The following SMG9 variants were observed in gnomAD, a reference collection of about 807,000 sequenced individuals.
SMG9 encodes SMG9 nonsense mediated mRNA decay factor.
A neutral mutation model predicts 64.0 loss-of-function variants in SMG9; 55 were observed. The ratio of observed to expected loss-of-function variants is 0.86; its 90% CI spans 0.69 to 1.08. The LOEUF is 1.08. Among genes scored for constraint, SMG9 ranks in the 50% least tolerant of loss-of-function variants. The pLI is 0.00. For missense variants in SMG9, 554 were observed against 681.3 expected (o/e 0.81, Z 2.08); for synonymous variants, 244 against 254.8 (o/e 0.96, Z 0.41).
At chr19:43,735,067 T>C (rs1452335084) in intron 9 of SMG9, among the ~76,000 whole-genome samples, 2 of 152,210 alleles carry the variant, frequency 1.3e-5, no homozygotes, top group Non-Finnish European at 2.9e-5. Flanking sequence ...CCCTGATCTT[T>C]TTACTGTCTC....
In SMG9 at chr19:43,733,698, A is replaced by G. The variant is rs1968561178; in HGVS notation, c.1138T>C (p.Cys380Arg). Residue 380 changes from cysteine (C) to arginine (R), a missense_variant, in exon 11 of 14, where the codon TGT becomes CGT. Transcript: ENST00000270066. ...TGCATCTGCCGCAGCTTCCGAGGACAGAAGTCCTCTCGGCGAGCTTTGTTC... is the reference window on the plus strand; with the variant it reads ...TGCATCTGCCGCAGCTTCCGAGGACGGAAGTCCTCTCGGCGAGCTTTGTTC... The part of the protein sequence containing the change: ...LQNKARREDF[C>R]PRKLRQMHLM... 1 of 1,614,196 alleles carries G rather than the reference A, an allele frequency of 6.2e-7. No individual in the cohort carries two copies. Among genetic ancestry groups the G allele is most frequent in the South Asian group, 1.1e-5 (1 of 91,084 alleles).
At chr19:43,733,759 G>T (rs1313660918) in intron 10 of SMG9, 26 bp from the exon 11 acceptor site, 1 of 1,591,214 alleles carries the variant, frequency 6.3e-7, no homozygotes, top group Non-Finnish European at 8.6e-7. Context: ...GACGGGCCCT[G>T]TCAGGCAGAC....
At position 43,744,761 on chromosome 19, in the gene SMG9, T is replaced by C. The variant is rs373342227; in HGVS notation, c.701+11A>G. The C allele has an allele frequency of 1.9e-5, 30 of 1,606,326 alleles. No homozygotes were observed. The highest frequency in any genetic ancestry group is 2.2e-5 in the Non-Finnish European group (26 of 1,174,308). Reference sequence around the variant, plus strand: ...CACCTCCCTCCTGCACCCTATCTGATAGCCCCTCACCTCTGGTCCTCCTCT... The same window carrying C: ...CACCTCCCTCCTGCACCCTATCTGACAGCCCCTCACCTCTGGTCCTCCTCT... On this transcript the variant is annotated intron_variant, in intron 6 of 13. Transcript: ENST00000270066.
chr19:43,731,350 G>A lies in SMG9; in HGVS notation c.*246C>T. 1 of 1,311,634 alleles carries A rather than the reference G, an allele frequency of 7.6e-7. No homozygotes were observed. The highest frequency in any genetic ancestry group is 9.7e-7 in the Non-Finnish European group (1 of 1,027,454). The allele number at this position is 1,311,634 out of a possible 1,614,324, so 81.2% of individuals were successfully genotyped here. On this transcript the variant is annotated 3_prime_UTR_variant, in exon 14 of 14. Coordinates refer to ENST00000270066, the MANE Select transcript of SMG9 (RefSeq NM_019108.4). Reference sequence around the variant, plus strand: ...CCTCCCACTGCTTGTCCCTGTGGAGGACACAGGACGGGCTACCCCATCTCA... The same window carrying A: ...CCTCCCACTGCTTGTCCCTGTGGAGAACACAGGACGGGCTACCCCATCTCA...
At chr19:43,739,856 C>G (rs1968790189) in intron 7 of SMG9, 2 of 506,918 alleles carry the variant, frequency 3.9e-6, no homozygotes, top group African/African-American at 3.9e-5. Context: ...ACACATTCTC[C>G]AGGGCCCACA....
At chr19:43,733,252 C>A in intron 12 of SMG9, 72 bp downstream of exon 12, 1 of 1,566,488 alleles carries the variant, frequency 6.4e-7, no homozygotes, top group South Asian at 1.2e-5. Flanking sequence ...CCTCCTAGAC[C>A]AGTGGGTGCT....
Position 43,731,430 on chromosome 19 carries a change from G to A in SMG9, c.*166C>T, listed in dbSNP as rs1968480709. The A allele has an allele frequency of 7.0e-7, 1 of 1,435,212 alleles. No individual in the cohort carries two copies. Among genetic ancestry groups the A allele is most frequent in the South Asian group, 1.5e-5 (1 of 66,494 alleles). 88.9% of individuals were successfully genotyped at this position (1,435,212 alleles called of 1,614,324 possible). The stretch of plus-strand genomic sequence containing the variant: ...CCCGGAACAGCCCCAACTGAGGGTG[G>A]GGGGCCTGGCCCTGGACACCTCATG... On this transcript the variant is annotated 3_prime_UTR_variant, in exon 14 of 14. Transcript: ENST00000270066.
In SMG9 at chr19:43,731,541, T is replaced by C; in HGVS notation, c.*55A>G. On this transcript the variant is annotated 3_prime_UTR_variant, in exon 14 of 14. Coordinates refer to ENST00000270066, the MANE Select transcript of SMG9 (RefSeq NM_019108.4). ...GCGGGGGATGGACATCTGTGCTCCC[T>C]CGCAGTACACTGCGGACCCAGGAGG... 2 of 1,612,070 alleles carry C rather than the reference T, an allele frequency of 1.2e-6. No individual in the cohort carries two copies. The highest frequency in any genetic ancestry group is 2.2e-5 in the South Asian group (2 of 90,968).
At position 43,731,612 on chromosome 19, in the gene SMG9, C is replaced by G; in HGVS notation, c.1547G>C (p.Ser516Thr). The change falls in exon 14 of 14, where the codon AGC (serine) becomes ACC (threonine). Residue 516 changes from serine (S) to threonine (T), a missense_variant. Coordinates refer to ENST00000270066, the MANE Select transcript of SMG9 (RefSeq NM_019108.4). Reference sequence around the variant, plus strand: ...TCCTTGGCCTCAGGCCAGCAGGCGGCTGTACTCTGCCAGAGCAGAGGACTT... The same window carrying G: ...TCCTTGGCCTCAGGCCAGCAGGCGGGTGTACTCTGCCAGAGCAGAGGACTT... ...VRKSSALAEY[S>T]RLLA 1 of 1,614,250 alleles carries G rather than the reference C, an allele frequency of 6.2e-7. No homozygotes were observed. Among genetic ancestry groups the G allele is most frequent in the Non-Finnish European group, 8.5e-7 (1 of 1,180,046 alleles).
chr19:43,737,288 A>G (rs1351061548), intron 9 of SMG9, among the ~76,000 whole-genome samples: 1 of 151,636 alleles, frequency 6.6e-6, no homozygotes, highest in Non-Finnish European at 1.5e-5. Flanking sequence ...ATAAATAAAT[A>G]AATAAATAAA....
chr19:43,739,973 C>T, intron 7 of SMG9, 134 bp downstream of exon 7: 1 of 694,124 alleles, frequency 1.4e-6, no homozygotes. Flanking sequence ...ACAATTTGCC[C>T]CAGGGCAGCC....
chr19:43,741,111 C>T (rs187395964), intron 6 of SMG9, among the ~76,000 whole-genome samples: 20 of 152,296 alleles, frequency 1.3e-4, no homozygotes, highest in East Asian at 5.8e-4. Context: ...AAGACTAAGT[C>T]GGCTTCTGTG....
At chr19:43,733,834 T>C (rs1968566904) in intron 10 of SMG9, 101 bp from the exon 11 acceptor site, 2 of 775,290 alleles carry the variant, frequency 2.6e-6, no homozygotes, top group Non-Finnish European at 2.2e-6. Context: ...TGAGTTCAGA[T>C]CACTGTGTAA....
In SMG9 at chr19:43,737,581, C is replaced by T; in HGVS notation, c.995+16G>A. Reference sequence around the variant, plus strand: ...CTCATTCCTCCTCCCCACCCTCCAACCCCTCAGCTCCTCACCTGTAGAGAC... The same window carrying T: ...CTCATTCCTCCTCCCCACCCTCCAATCCCTCAGCTCCTCACCTGTAGAGAC... On this transcript the variant is annotated intron_variant, in intron 9 of 13. Coordinates refer to ENST00000270066, the MANE Select transcript of SMG9 (RefSeq NM_019108.4). The T allele has an allele frequency of 1.9e-6, 3 of 1,609,324 alleles. No homozygotes were observed. Among genetic ancestry groups the T allele is most frequent in the South Asian group, 1.1e-5 (1 of 90,424 alleles).
rs1218927703 is a variant in SMG9 at position 43,750,705 on chromosome 19, CAT to C, written c.35_36del (p.Tyr12TrpfsTer108). On this transcript the variant is annotated frameshift_variant, in exon 2 of 14. Coordinates refer to ENST00000270066, the MANE Select transcript of SMG9 (RefSeq NM_019108.4). LOFTEE classifies it high-confidence loss of function. ...SESGHSQPGL[Y>X]GIERRRRWKE... ...TTCCACCGTCGCCGCCGCTCTATCCCATAGAGTCCAGGCTGACTGTGTCCAGA... is the reference window on the plus strand; with the variant it reads ...TTCCACCGTCGCCGCCGCTCTATCCCAGAGTCCAGGCTGACTGTGTCCAGA... The C allele has an allele frequency of 9.9e-6, 16 of 1,613,844 alleles. No individual in the cohort carries two copies. The highest frequency in any genetic ancestry group is 1.3e-5 in the Non-Finnish European group (15 of 1,179,952).
At chr19:43,741,387 A>G (rs150313852) in intron 6 of SMG9, among the ~76,000 whole-genome samples, 49 of 152,288 alleles carry the variant, frequency 3.2e-4, no homozygotes, top group African/African-American at 1.1e-3. Context: ...GCAAGAGCAG[A>G]AAGATGGTGC....
chr19:43,739,348 A>G (rs566454612), intron 7 of SMG9, among the ~76,000 whole-genome samples: 1 of 152,226 alleles, frequency 6.6e-6, no homozygotes, highest in Non-Finnish European at 1.5e-5. Flanking sequence ...CAAAACCCCT[A>G]TGAGGCAGGC....
rs1021982285 is a variant in SMG9 at position 43,730,086 on chromosome 19, C to G, written c.*1510G>C. On this transcript the variant is annotated 3_prime_UTR_variant, in exon 14 of 14. Coordinates refer to ENST00000270066, the MANE Select transcript of SMG9 (RefSeq NM_019108.4). ...AGTTGTTTCTCACAAGGCCCTGGAT[C>G]CCCATGGTATGAAACACCAGGGCTG... The G allele has an allele frequency of 6.6e-6, 1 of 152,200 alleles. No individual in the cohort carries two copies. The highest frequency in any genetic ancestry group is 1.5e-5 in the Non-Finnish European group (1 of 68,080). 9.4% of individuals were successfully genotyped at this position (152,200 alleles called of 1,614,324 possible).
At chr19:43,753,503 C>T (rs954993376) in intron 1 of SMG9, among the ~76,000 whole-genome samples, 1 of 148,802 alleles carries the variant, frequency 6.7e-6, no homozygotes, top group African/African-American at 2.5e-5. Context: ...CTCTGTTGCC[C>T]AGGCTGGAGT....
Sources: allele counts gnomAD v4.1 joint callset (sites outside exome capture counted in the v4.1 genomes callset), GRCh38; gene constraint gnomAD v4.1.1; transcripts MANE v1.5; gene names NCBI Gene and HGNC (gene_info 2026-07-23, HGNC 2026-07-21).